The following CREBZF variants were observed in gnomAD, a reference collection of about 807,000 sequenced individuals.
CREBZF encodes the protein HCF-binding transcription factor Zhangfei.
In CREBZF, 8 loss-of-function variants were observed where a neutral mutation model predicts 21.1. The observed-to-expected ratio is 0.38, with a 90% CI of 0.22 to 0.68. The LOEUF (loss-of-function observed/expected upper bound fraction) is 0.68. Among genes scored for constraint, CREBZF ranks in the 30% least tolerant of loss-of-function variants. CREBZF has a pLI of 0.51. For missense variants in CREBZF, 518 were observed against 484.3 expected, an observed-to-expected ratio of 1.07 and a Z score of -0.65; for synonymous variants, 270 against 223.3, an observed-to-expected ratio of 1.21 and a Z score of -1.86.
upstream of CREBZF, among the ~76,000 whole-genome samples, chr11:85,668,342 A>C (rs1445368660): frequency 6.6e-6 from 1 of 152,216 alleles, no homozygotes; most frequent in Non-Finnish European, 1.5e-5. Context: ...AACTTTACCT[A>C]GTTTTTATGC....
In CREBZF at chr11:85,661,681, A is replaced by AT. The variant is rs2082684758; in HGVS notation, c.*2129dup. On this transcript the variant is annotated 3_prime_UTR_variant, in exon 1 of 1. Coordinates refer to ENST00000527447, the MANE Select transcript of CREBZF (RefSeq NM_001039618.4). ...AGACCCACAGTCAGCATTAACAATCATTTTTCCTATTTTCATCCATTATTT... is the reference window on the plus strand; with the variant it reads ...AGACCCACAGTCAGCATTAACAATCATTTTTTCCTATTTTCATCCATTATTT... The AT allele has an allele frequency of 6.6e-6, 1 of 152,434 alleles. No individual in the cohort carries two copies. The highest frequency in any genetic ancestry group is 2.4e-5 in the African/African-American group (1 of 41,394). 9.4% of individuals were successfully genotyped at this position (152,434 alleles called of 1,614,324 possible).
intron 1 of CREBZF, among the ~76,000 whole-genome samples, chr11:85,671,864 T>A (rs758592301): frequency 6.6e-6 from 1 of 152,196 alleles, no homozygotes; most frequent in Admixed American, 6.5e-5. Flanking sequence ...TGTTGATAGA[T>A]CTACCATTCT....
In CREBZF at chr11:85,664,219, G is replaced by C. The variant is rs898184385; in HGVS notation, c.657C>G (p.Arg219=). 2.4e-5 allele frequency: 38 copies of C among 1,612,760 alleles called. No individual in the cohort carries two copies. The highest frequency in any genetic ancestry group is 3.1e-5 in the Non-Finnish European group (36 of 1,179,826). ...SPRKAAAAAA[R]LNRLKKKEYV... is the part of the protein sequence containing the mutation. ...ACTCCTTCTTCTTCAGTCGATTAAG[G>C]CGGGCAGCGGCCGCCGCCGCCTTCC... Residue 219 remains arginine (R), a synonymous_variant, in exon 1 of 1, where the codon CGC becomes CGG. Coordinates refer to ENST00000527447, the MANE Select transcript of CREBZF (RefSeq NM_001039618.4). This position sits in a 1 kb window ranked among gnomAD's most constrained non-coding sequence, Gnocchi z 5.5.
intron 1 of CREBZF, among the ~76,000 whole-genome samples, chr11:85,682,063 T>TA (rs2082979427): frequency 6.6e-6 from 1 of 152,172 alleles, no homozygotes; most frequent in South Asian, 2.1e-4. Flanking sequence ...GGCCGCTTGT[T>TA]AAAAAATAAA....
upstream of CREBZF, among the ~76,000 whole-genome samples, chr11:85,666,026 GT>G (rs1380887312): frequency 6.6e-6 from 1 of 152,164 alleles, no homozygotes; most frequent in African/African-American, 2.4e-5. Flanking sequence ...AAGATAATTA[GT>G]TCAAAACAAT....
intron 1 of CREBZF, among the ~76,000 whole-genome samples, chr11:85,671,255 A>G (rs1473226040): frequency 6.6e-6 from 1 of 152,210 alleles, no homozygotes; most frequent in East Asian, 1.9e-4. Context: ...TGAAAACAGC[A>G]TAGAAAAATT....
In CREBZF at chr11:85,663,479, C is replaced by A; in HGVS notation, c.*332G>T. 1 of 810,994 alleles carries A rather than the reference C, an allele frequency of 1.2e-6. No homozygotes were observed. The highest frequency in any genetic ancestry group is 2.1e-6 in the Non-Finnish European group (1 of 473,374). The allele number at this position is 810,994 out of a possible 1,614,324, so 50.2% of individuals were successfully genotyped here. On this transcript the variant is annotated 3_prime_UTR_variant, in exon 1 of 1. Coordinates refer to ENST00000527447, the MANE Select transcript of CREBZF (RefSeq NM_001039618.4). ...CTGAGATGTTGCCCATTAAAGTAGACAAAGCAGCAGAGCATGAGCGTTACG... is the reference window on the plus strand; with the variant it reads ...CTGAGATGTTGCCCATTAAAGTAGAAAAAGCAGCAGAGCATGAGCGTTACG...
chr11:85,668,223 G>A (rs1471893773), upstream of CREBZF, among the ~76,000 whole-genome samples: 1 of 151,940 alleles, frequency 6.6e-6, no homozygotes, highest in Non-Finnish European at 1.5e-5. Context: ...CTATACTTAA[G>A]TATTTATTTC....
chr11:85,673,738 G>A (rs1269540638), intron 1 of CREBZF, among the ~76,000 whole-genome samples: 1 of 152,180 alleles, frequency 6.6e-6, no homozygotes, highest in Admixed American at 6.5e-5. Flanking sequence ...TTGCCTATGG[G>A]AGAACTTCTT....
upstream of CREBZF, among the ~76,000 whole-genome samples, chr11:85,666,968 G>T (rs1251299796): frequency 2.6e-5 from 4 of 152,200 alleles, no homozygotes; most frequent in Non-Finnish European, 5.9e-5. Context: ...CAGGTGTTTT[G>T]TATGGCTGGT....
At chr11:85,675,246 T>G (rs1011959997) in intron 1 of CREBZF, among the ~76,000 whole-genome samples, 1 of 152,248 alleles carries the variant, frequency 6.6e-6, no homozygotes, top group African/African-American at 2.4e-5. Flanking sequence ...TCAGCCTGTC[T>G]CTGCTTTCAA....
rs1316829567 is a variant in CREBZF, at chr11:85,660,397, ATTC to A, written c.*3411_*3413del. 3 of 294,826 alleles carry A rather than the reference ATTC, an allele frequency of 1.0e-5. No homozygotes were observed. Among genetic ancestry groups the A allele is most frequent in the African/African-American group, 6.8e-5 (3 of 43,962 alleles). 18.3% of individuals were successfully genotyped at this position (294,826 alleles called of 1,614,324 possible). A position where few individuals can be genotyped will look rare whatever the true frequency, so the allele number is the denominator to read the frequency against. On this transcript the variant is annotated 3_prime_UTR_variant, in exon 1 of 1. Transcript: ENST00000527447. ...TGTATCTCTATTAAGTCTTTCAAGG[ATTC>A]CAGAGAATCTTTTCATATCTCCATT...
chr11:85,681,420 A>T (rs1199137275), intron 1 of CREBZF, among the ~76,000 whole-genome samples: 1 of 152,202 alleles, frequency 6.6e-6, no homozygotes, highest in Non-Finnish European at 1.5e-5. Flanking sequence ...ACTAACTTGA[A>T]TTCATTTTCT....
At position 85,661,960 on chromosome 11, in the gene CREBZF, TTA is replaced by T. The variant is rs58550468; in HGVS notation, c.*1849_*1850del. Reference sequence around the variant, plus strand: ...AATAATCTTTCCAACTACTTTTGGTTTATATATATATATATATATGTATATAT... The same window carrying T: ...AATAATCTTTCCAACTACTTTTGGTTTATATATATATATATATGTATATAT... On this transcript the variant is annotated 3_prime_UTR_variant, in exon 1 of 1. Coordinates refer to ENST00000527447, the MANE Select transcript of CREBZF (RefSeq NM_001039618.4). The T allele has an allele frequency of 6.9e-4, 100 of 145,622 alleles. 1 individual carries two copies. Among genetic ancestry groups the T allele is most frequent in the South Asian group, 8.6e-4 (4 of 4,678 alleles). The allele number at this position is 145,622 out of a possible 1,614,324, so 9.0% of individuals were successfully genotyped here. A position where few individuals can be genotyped will look rare whatever the true frequency, so the allele number is the denominator to read the frequency against.
At position 85,660,986 on chromosome 11, in the gene CREBZF, C is replaced by T. The variant is rs540061695; in HGVS notation, c.*2825G>A. ...CAAACCTAGAAATTTCAAAAACAAT[C>T]CATTTTATATTCCAGAAATCTCCTT... is the stretch of plus-strand genomic sequence containing the variant. On this transcript the variant is annotated 3_prime_UTR_variant, in exon 1 of 1. Coordinates refer to ENST00000527447, the MANE Select transcript of CREBZF (RefSeq NM_001039618.4). 1.5e-4 allele frequency: 23 copies of T among 155,032 alleles called. No homozygotes were observed. The South Asian group carries it at 4.4e-3, about 30-fold the overall frequency. The allele number at this position is 155,032 out of a possible 1,614,324, so 9.6% of individuals were successfully genotyped here. A position where few individuals can be genotyped will look rare whatever the true frequency, so the allele number is the denominator to read the frequency against.
At chr11:85,682,349 T>C (rs1199604894) in intron 1 of CREBZF, among the ~76,000 whole-genome samples, 1 of 152,206 alleles carries the variant, frequency 6.6e-6, no homozygotes, top group African/African-American at 2.4e-5. Flanking sequence ...TCTTCTTCGG[T>C]TGTTCTTCAG....
intron 1 of CREBZF, among the ~76,000 whole-genome samples, chr11:85,678,360 T>C (rs187537224): frequency 6.6e-6 from 1 of 152,276 alleles, no homozygotes; most frequent in East Asian, 1.9e-4. Flanking sequence ...AGCTAGGGAA[T>C]ATGTATTTTT....
rs2082648549 is a variant in CREBZF, at chr11:85,660,680, G to A, written c.*3131C>T. ...AAAATATTTTGAACACTTCTTGTTG[G>A]ATTATATCAGAGGTGTGACTACATT... On this transcript the variant is annotated 3_prime_UTR_variant, in exon 1 of 1. Transcript: ENST00000527447. 2 of 439,592 alleles carry A rather than the reference G, an allele frequency of 4.5e-6. No homozygotes were observed. The highest frequency in any genetic ancestry group is 9.1e-6 in the Non-Finnish European group (2 of 220,950). 27.2% of individuals were successfully genotyped at this position (439,592 alleles called of 1,614,324 possible). A position where few individuals can be genotyped will look rare whatever the true frequency, so the allele number is the denominator to read the frequency against.
At chr11:85,676,490 G>A (rs755770517) in intron 1 of CREBZF, among the ~76,000 whole-genome samples, 6 of 152,098 alleles carry the variant, frequency 3.9e-5, no homozygotes, top group Non-Finnish European at 7.4e-5. Flanking sequence ...AATCCTTATA[G>A]ACCCATCGTC....
Sources: gnomAD v4.1 joint callset for allele counts (sites outside exome capture counted in the v4.1 genomes callset) on GRCh38, gnomAD v4.1.1 for gene constraint, Gnocchi (gnomAD v3.1) non-coding constraint, MANE v1.5 for transcripts, NCBI Gene and HGNC (gene_info 2026-07-23, HGNC 2026-07-21) for gene names.